The following GNA13 variants were observed in gnomAD, a reference collection of about 807,000 sequenced individuals.
GNA13 encodes guanine nucleotide-binding protein subunit alpha-13.
GNA13 carries 4 observed loss-of-function variants against 33.5 expected under a neutral mutation model. The ratio of observed to expected loss-of-function variants is 0.12; its 90% CI spans 0.06 to 0.27. The LOEUF (loss-of-function observed/expected upper bound fraction) is 0.27. GNA13 is among the 10% of genes least tolerant of loss of function. The pLI, the probability that GNA13 is intolerant of heterozygous loss-of-function variation, is 1.00. For missense variants in GNA13, 319 were observed against 487.2 expected (o/e 0.65, Z 3.25); for synonymous variants, 176 against 183.8 (o/e 0.96, Z 0.34).
At chr17:65,032,467 G>A (rs1167504516) in intron 2 of GNA13, among the ~76,000 whole-genome samples, 1 of 152,136 alleles carries the variant, frequency 6.6e-6, no homozygotes, top group Non-Finnish European at 1.5e-5. Flanking sequence ...CTTTGAAAAT[G>A]ATTTTAAAGT....
At chr17:65,021,820 G>T (rs908433300) in intron 2 of GNA13, among the ~76,000 whole-genome samples, 2 of 152,192 alleles carry the variant, frequency 1.3e-5, no homozygotes, top group African/African-American at 4.8e-5. Flanking sequence ...ATAGAGATGG[G>T]TATCAAATAT....
In GNA13 at chr17:65,053,673, G is replaced by C; in HGVS notation, c.339C>G (p.Asn113Lys). Residue 113 changes from asparagine (N) to lysine (K), a missense_variant, in exon 2 of 4, where the codon AAC becomes AAG. Coordinates refer to ENST00000439174, the MANE Select transcript of GNA13 (RefSeq NM_006572.6). ...TCTTATCTCCATGTTGTTGGTTTGAGTTGTCTCCCCAGGGAATATGAAGCT... is the reference window on the plus strand; with the variant it reads ...TCTTATCTCCATGTTGTTGGTTTGACTTGTCTCCCCAGGGAATATGAAGCT... ...REKLHIPWGD[N>K]SNQQHGDKMM... The C allele has an allele frequency of 6.2e-7, 1 of 1,614,034 alleles. No homozygotes were observed. Among genetic ancestry groups the C allele is most frequent in the Non-Finnish European group, 8.5e-7 (1 of 1,179,946 alleles).
At chr17:65,043,473 G>A (rs1483209493) in intron 2 of GNA13, among the ~76,000 whole-genome samples, 1 of 151,968 alleles carries the variant, frequency 6.6e-6, no homozygotes, top group East Asian at 1.9e-4. Flanking sequence ...ATTCTGTAGA[G>A]GCAGGCTTTT....
intron 2 of GNA13, among the ~76,000 whole-genome samples, chr17:65,024,917 C>A (rs1484259518): frequency 6.6e-6 from 1 of 152,098 alleles, no homozygotes; most frequent in African/African-American, 2.4e-5. Context: ...AGGGTCTCAA[C>A]TCTGGTTATC....
chr17:65,014,092 C>T lies in GNA13; in HGVS notation c.*165G>A, dbSNP rs551296547. ...TGGCGATGAGTCACTCAACAGCTTT[C>T]AGCCACAAACCAAAGGCCGCAGAAA... is the stretch of plus-strand genomic sequence containing the variant. On this transcript the variant is annotated 3_prime_UTR_variant, in exon 4 of 4. Coordinates refer to ENST00000439174, the MANE Select transcript of GNA13 (RefSeq NM_006572.6). This position sits in a 1 kb window ranked among gnomAD's most constrained non-coding sequence, Gnocchi z 5.3. 44 of 585,574 alleles carry T rather than the reference C, an allele frequency of 7.5e-5. No individual in the cohort carries two copies. In the South Asian group the frequency reaches 9.6e-4, roughly 13 times the overall value. 36.3% of individuals were successfully genotyped at this position (585,574 alleles called of 1,614,324 possible).
rs1330690546 is a variant in GNA13, at chr17:65,012,499, A to T, written c.*1758T>A. ...AACATGCACGATACCATGAACTTGC[A>T]TCACGGTGCCGGGCTACGTATGTGT... On this transcript the variant is annotated 3_prime_UTR_variant, in exon 4 of 4. Transcript: ENST00000439174. The T allele has an allele frequency of 1.4e-5, 3 of 218,806 alleles. No homozygotes were observed. The highest frequency in any genetic ancestry group is 2.8e-5 in the Non-Finnish European group (3 of 108,902). 13.6% of individuals were successfully genotyped at this position (218,806 alleles called of 1,614,324 possible). A position where few individuals can be genotyped will look rare whatever the true frequency, so the allele number is the denominator to read the frequency against.
At chr17:65,056,258 G>GCCCCCCCCCCCCC in intron 1 of GNA13, 53 bp downstream of exon 1, 1 of 574,314 alleles carries the variant, frequency 1.7e-6, no homozygotes, top group Non-Finnish European at 3.0e-6. Flanking sequence ...CGCACCCGCC[G>GCCCCCCCCCCCCC]CCGCCCCAGC....
intron 2 of GNA13, among the ~76,000 whole-genome samples, chr17:65,036,689 G>A (rs1387429278): frequency 6.6e-6 from 1 of 152,210 alleles, no homozygotes; most frequent in African/African-American, 2.4e-5. Flanking sequence ...CTGGGTGAAA[G>A]AGTGAGACTA....
At chr17:65,048,155 T>C (rs1000701159) in intron 2 of GNA13, among the ~76,000 whole-genome samples, 1 of 152,170 alleles carries the variant, frequency 6.6e-6, no homozygotes, top group Non-Finnish European at 1.5e-5. Context: ...TGTGGGATGT[T>C]CCTCCCACTG....
chr17:65,028,163 T>G (rs186766673), intron 2 of GNA13, among the ~76,000 whole-genome samples: 1 of 152,282 alleles, frequency 6.6e-6, no homozygotes, highest in Admixed American at 6.5e-5. Flanking sequence ...GAGGCGGAGC[T>G]TGCAGTGAGC....
At chr17:65,030,487 T>C (rs1389087658) in intron 2 of GNA13, among the ~76,000 whole-genome samples, 2 of 152,266 alleles carry the variant, frequency 1.3e-5, no homozygotes, top group Non-Finnish European at 2.9e-5. Context: ...ATCACACATG[T>C]AATTAACTTC....
intron 2 of GNA13, among the ~76,000 whole-genome samples, chr17:65,041,966 T>G (rs1053299963): frequency 6.6e-6 from 1 of 152,256 alleles, no homozygotes; most frequent in Non-Finnish European, 1.5e-5. Context: ...TTTAGAGTTG[T>G]AAGTTTTTAC....
chr17:65,019,974 A>G (rs984922534), intron 2 of GNA13, among the ~76,000 whole-genome samples: 1 of 152,256 alleles, frequency 6.6e-6, no homozygotes, highest in Non-Finnish European at 1.5e-5. Context: ...CACAAAAATT[A>G]AAAACAGAAA....
At chr17:65,038,496 T>A (rs1310534829) in intron 2 of GNA13, among the ~76,000 whole-genome samples, 1 of 152,086 alleles carries the variant, frequency 6.6e-6, no homozygotes, top group Non-Finnish European at 1.5e-5. Flanking sequence ...CACTGCAGCC[T>A]CAACCTCCTG....
intron 2 of GNA13, among the ~76,000 whole-genome samples, chr17:65,022,239 G>A (rs1414142413): frequency 6.6e-6 from 1 of 152,162 alleles, no homozygotes; most frequent in Non-Finnish European, 1.5e-5. Flanking sequence ...TATCGTCTAT[G>A]GGAACTTCCA....
intron 2 of GNA13, among the ~76,000 whole-genome samples, chr17:65,034,843 T>C (rs938805928): frequency 2.0e-5 from 3 of 152,176 alleles, no homozygotes; most frequent in Non-Finnish European, 4.4e-5. Flanking sequence ...TGGAGTGCAA[T>C]GGCACGATCT....
rs935584821 is a variant in GNA13, at chr17:65,012,294, T to A, written c.*1963A>T. 2 of 223,442 alleles carry A rather than the reference T, an allele frequency of 9.0e-6. No homozygotes were observed. Among genetic ancestry groups the A allele is most frequent in the Non-Finnish European group, 1.8e-5 (2 of 112,016 alleles). The allele number at this position is 223,442 out of a possible 1,614,324, so 13.8% of individuals were successfully genotyped here. ...GAGTCAAATGTTTTGGCCATTCAAT[T>A]TGCTAAATGTATGGGTAAACTCTCC... On this transcript the variant is annotated 3_prime_UTR_variant, in exon 4 of 4. Transcript: ENST00000439174.
chr17:65,049,814 G>C (rs1312094025), intron 2 of GNA13, among the ~76,000 whole-genome samples: 1 of 152,194 alleles, frequency 6.6e-6, no homozygotes, highest in Non-Finnish European at 1.5e-5. Flanking sequence ...TAAAGTCTGA[G>C]CATCTGCTTG....
At chr17:65,033,885 C>T (rs916651618) in intron 2 of GNA13, among the ~76,000 whole-genome samples, 22 of 151,430 alleles carry the variant, frequency 1.5e-4, no homozygotes, top group African/African-American at 4.9e-4. Flanking sequence ...TGGTAGTGGG[C>T]GCCTGTAGTC....
Sources: allele counts gnomAD v4.1 joint callset (sites outside exome capture counted in the v4.1 genomes callset), GRCh38; gene constraint gnomAD v4.1.1; non-coding constraint Gnocchi (gnomAD v3.1); transcripts MANE v1.5; gene names NCBI Gene and HGNC (gene_info 2026-07-23, HGNC 2026-07-21).